TMPRSS9: variants seen among roughly 807,000 people sequenced by gnomAD.
TMPRSS9 encodes the protein transmembrane protease serine 9.
Under a neutral mutation model 111.4 loss-of-function variants are expected in TMPRSS9, and 113 were observed. That is an observed-to-expected ratio of 1.01 (90% CI 0.87 to 1.19). The LOEUF is 1.19. TMPRSS9 is among the 50% of genes most tolerant of loss of function. TMPRSS9 has a pLI of 0.00. For missense variants in TMPRSS9, 1,803 were observed against 1,513.1 expected, an observed-to-expected ratio of 1.19 and a Z score of -3.18; for synonymous variants, 805 against 659.1, an observed-to-expected ratio of 1.22 and a Z score of -3.39.
intron 9 of TMPRSS9, 32 bp from the exon 11 acceptor site, chr19:2,413,668 A>T: frequency 1.3e-6 from 2 of 1,576,222 alleles, no homozygotes; most frequent in Non-Finnish European, 1.7e-6. Context: ...GCTGCTGCCG[A>T]CCCATCCTGA....
chr19:2,366,230 C>T lies in TMPRSS9; in HGVS notation c.-26+5870C>T, dbSNP rs1401064471. Among the ~76,000 whole-genome samples the T allele has an allele frequency of 3.3e-5, 5 of 151,936 alleles. No homozygotes were observed. The East Asian group carries it at 7.8e-4, about 24-fold the overall frequency. ...GGTGTGGTGGTGCACACCTGTAGTC[C>T]TAGCTACTCAGGCGGCCGAGGTGGG... On this transcript the variant is annotated intron_variant, in intron 1 of 17. Coordinates refer to the TMPRSS9 transcript ENST00000649857.
At chr19:2,414,614 G>A (rs1352265236) in intron 10 of TMPRSS9, among the ~76,000 whole-genome samples, 1 of 151,826 alleles carries the variant, frequency 6.6e-6, no homozygotes, top group African/African-American at 2.4e-5. Context: ...GGTGGCTCGT[G>A]CCTGTCATCG....
intron 1 of TMPRSS9, among the ~76,000 whole-genome samples, chr19:2,365,673 C>A (rs994024254): frequency 1.3e-5 from 2 of 151,782 alleles, no homozygotes; most frequent in Admixed American, 1.3e-4. Context: ...CTAAAGAGCC[C>A]AGACCGAGGC....
chr19:2,379,864 T>C (rs994502595), intron 1 of TMPRSS9, among the ~76,000 whole-genome samples: 3 of 151,582 alleles, frequency 2.0e-5, no homozygotes, highest in African/African-American at 7.3e-5. Flanking sequence ...TCACTGATCC[T>C]CAGCCTCAAG....
intron 10 of TMPRSS9, among the ~76,000 whole-genome samples, chr19:2,415,353 T>G (rs570743621): frequency 6.6e-6 from 1 of 152,226 alleles, no homozygotes; most frequent in African/African-American, 2.4e-5. Flanking sequence ...TGCAGCCCCG[T>G]CTTTGCAAGG....
exon 17 of TMPRSS9, chr19:2,425,358 C>A (rs1278795482): frequency 6.6e-7 from 1 of 1,508,480 alleles, no homozygotes; most frequent in South Asian, 1.2e-5. Context: ...CGCCCGCAGG[C>A]TCCATGGCGC....
chr19:2,364,164 G>A (rs142157767), intron 1 of TMPRSS9, among the ~76,000 whole-genome samples: 3 of 151,740 alleles, frequency 2.0e-5, no homozygotes, highest in Non-Finnish European at 4.4e-5. Flanking sequence ...CCTGGGTGAC[G>A]GAGTGAGACC....
chr19:2,376,900 G>GC (rs1356221706), intron 1 of TMPRSS9, among the ~76,000 whole-genome samples: 1 of 152,110 alleles, frequency 6.6e-6, no homozygotes, highest in Non-Finnish European at 1.5e-5. Flanking sequence ...CCTGCCAGCT[G>GC]CCAGGATGCA....
At chr19:2,365,705 T>C (rs1970243386) in intron 1 of TMPRSS9, among the ~76,000 whole-genome samples, 3 of 152,082 alleles carry the variant, frequency 2.0e-5, no homozygotes, top group Admixed American at 2.0e-4. Flanking sequence ...TGGTGCAGGC[T>C]TGTAGTCCCA....
At position 2,402,021 on chromosome 19, in the gene TMPRSS9, G is replaced by A. The variant is rs1478262484; in HGVS notation, c.556+5G>A. On this transcript the variant is annotated splice_donor_5th_base_variant and intron_variant, in intron 5 of 17. Transcript: ENST00000648592. The stretch of plus-strand genomic sequence containing the variant: ...CAGAAAGAGACTTCAAATCAGGTAT[G>A]TTTTTCTCTCTGGCCTTTTCTCTGA... 13 of 1,607,366 alleles carry A rather than the reference G, an allele frequency of 8.1e-6. No individual in the cohort carries two copies. The highest frequency in any genetic ancestry group is 1.0e-5 in the Non-Finnish European group (12 of 1,175,822).
chr19:2,377,488 C>CTCT (rs1970347264), intron 1 of TMPRSS9, among the ~76,000 whole-genome samples: 1 of 57,392 alleles, frequency 1.7e-5, no homozygotes, highest in African/African-American at 1.0e-4. Context: ...CCTCTCTCCC[C>CTCT]CCCACCCCTC....
chr19:2,397,035 C>G (rs555904727), intron 2 of TMPRSS9, among the ~76,000 whole-genome samples: 1 of 152,074 alleles, frequency 6.6e-6, no homozygotes, highest in African/African-American at 2.4e-5. Context: ...ATTCTCCTGC[C>G]TCAGCCTCCC....
intron 11 of TMPRSS9, 39 bp from the exon 13 acceptor site, chr19:2,416,498 TG>T: frequency 6.3e-7 from 1 of 1,578,534 alleles, no homozygotes. Context: ...GGCGGGCATG[TG>T]CTGGAGGGCA....
chr19:2,373,088 C>A (rs1444066120), intron 1 of TMPRSS9, among the ~76,000 whole-genome samples: 1 of 152,172 alleles, frequency 6.6e-6, no homozygotes, highest in Non-Finnish European at 1.5e-5. Context: ...CCTCCTTGGC[C>A]TCCCAAGGTG....
chr19:2,396,349 T>G, intron 1 of TMPRSS9, 190 bp from the exon 3 acceptor site: 1 of 603,542 alleles, frequency 1.7e-6, no homozygotes, highest in African/African-American at 1.9e-5. Context: ...CCAGGATGCT[T>G]TTGGGAATTG....
At chr19:2,391,586 A>G (rs1000367881) in intron 1 of TMPRSS9, among the ~76,000 whole-genome samples, 3 of 128,360 alleles carry the variant, frequency 2.3e-5, no homozygotes, top group Admixed American at 7.8e-5. Context: ...CTGCGTGTGT[A>G]TCTATGTGTG....
At chr19:2,368,771 C>A (rs907708056) in intron 1 of TMPRSS9, among the ~76,000 whole-genome samples, 2 of 82,042 alleles carry the variant, frequency 2.4e-5, no homozygotes, top group Non-Finnish European at 5.0e-5. Context: ...AAGGATAAAC[C>A]CAGTTTTTTT....
intron 9 of TMPRSS9, among the ~76,000 whole-genome samples, chr19:2,411,505 C>T (rs1293840579): frequency 1.3e-5 from 2 of 149,590 alleles, no homozygotes; most frequent in Admixed American, 6.7e-5. Context: ...TCAAGCGAGT[C>T]TCCTGCCTCA....
At chr19:2,377,385 T>C (rs1348278149) in intron 1 of TMPRSS9, among the ~76,000 whole-genome samples, 1 of 145,792 alleles carries the variant, frequency 6.9e-6, no homozygotes, top group Non-Finnish European at 1.5e-5. Context: ...TCCTTCTGCC[T>C]CAGCCTCCCA....
Sources: allele counts gnomAD v4.1 joint callset (sites outside exome capture counted in the v4.1 genomes callset), GRCh38; gene constraint gnomAD v4.1.1; transcripts MANE v1.5; gene names NCBI Gene and HGNC (gene_info 2026-07-23, HGNC 2026-07-21).